Variants in PHC2 observed in about 807,000 individuals in gnomAD.
PHC2 encodes the protein polyhomeotic homolog 2, also known as polyhomeotic-like protein 2.
In PHC2, 29 loss-of-function variants were observed where a neutral mutation model predicts 87.4. The observed-to-expected ratio is 0.33, with a 90% CI of 0.25 to 0.45. PHC2 has a LOEUF of 0.45. PHC2 is among the 20% of genes least tolerant of loss of function. The pLI is 1.00. For synonymous variants in PHC2, 438 were observed against 461.7 expected (o/e 0.95, Z 0.66); for missense variants, 857 against 1,136.7 (o/e 0.75, Z 3.54).
chr1:33,376,825 A>G (rs1648209905), intron 1 of PHC2, among the ~76,000 whole-genome samples: 1 of 152,174 alleles, frequency 6.6e-6, no homozygotes, highest in South Asian at 2.1e-4. Context: ...GCTACCTGGG[A>G]GGCTGAGGCA....
chr1:33,354,757 G>A (rs1258062690), intron 8 of PHC2, 81 bp downstream of exon 8: 1 of 1,485,112 alleles, frequency 6.7e-7, no homozygotes, highest in African/African-American at 1.4e-5. Flanking sequence ...CTACCCAGAA[G>A]CACCTCTTGA....
chr1:33,413,485 G>C (rs1232666302), intron 1 of PHC2, among the ~76,000 whole-genome samples: 1 of 152,178 alleles, frequency 6.6e-6, no homozygotes, highest in Non-Finnish European at 1.5e-5. Flanking sequence ...TGAAATAAAG[G>C]AGACCGCAGG....
At chr1:33,342,311 G>A (rs920439289) in intron 9 of PHC2, among the ~76,000 whole-genome samples, 6 of 152,234 alleles carry the variant, frequency 3.9e-5, no homozygotes, top group Admixed American at 2.6e-4. Flanking sequence ...GCATCTGGCA[G>A]GGAGGGGGCT....
chr1:33,359,689 T>C (rs1570482662), intron 7 of PHC2, among the ~76,000 whole-genome samples: 1 of 152,306 alleles, frequency 6.6e-6, no homozygotes, highest in Middle Eastern at 3.4e-3. Context: ...GCACAGAATA[T>C]TGAGAACACG....
intron 9 of PHC2, among the ~76,000 whole-genome samples, chr1:33,339,064 G>A (rs1478173792): frequency 6.6e-6 from 1 of 152,138 alleles, no homozygotes; most frequent in Non-Finnish European, 1.5e-5. Context: ...ACAGGGGTGG[G>A]AGAAAACAGG....
chr1:33,370,135 G>C (rs1647730406), intron 5 of PHC2, among the ~76,000 whole-genome samples: 2 of 152,220 alleles, frequency 1.3e-5, no homozygotes, highest in South Asian at 4.2e-4. Flanking sequence ...TTAATTTTGA[G>C]GAGTTTCTGA....
chr1:33,363,526 C>T (rs546830993), intron 7 of PHC2, among the ~76,000 whole-genome samples: 1 of 152,194 alleles, frequency 6.6e-6, no homozygotes, highest in African/African-American at 2.4e-5. Flanking sequence ...GCCCCCTGCA[C>T]AAAACGCTCT....
At chr1:33,355,653 C>A (rs1647057460) in intron 7 of PHC2, among the ~76,000 whole-genome samples, 1 of 152,250 alleles carries the variant, frequency 6.6e-6, no homozygotes, top group Non-Finnish European at 1.5e-5. Context: ...ACAGCTACAA[C>A]CTTTCCACCA....
intron 1 of PHC2, among the ~76,000 whole-genome samples, chr1:33,405,944 T>G (rs1649744306): frequency 6.6e-6 from 1 of 152,238 alleles, no homozygotes; most frequent in African/African-American, 2.4e-5. Context: ...CTTCCATGTA[T>G]GCTTGAAAAT....
At position 33,346,268 on chromosome 1, in the gene PHC2, C is replaced by T. The variant is rs1646843260; in HGVS notation, c.1558+8133G>A. 4.1e-6 allele frequency: 4 copies of T among 985,292 alleles called. No homozygotes were observed. The South Asian group carries it at 1.9e-4, about 46-fold the overall frequency. 61.0% of individuals were successfully genotyped at this position (985,292 alleles called of 1,614,324 possible). ...GGTGGGCAGGCTCAGAGGGGCACCT[C>T]ACTCCAGGACAGTCTCCTGAGGGGT... On this transcript the variant is annotated intron_variant, in intron 9 of 14. Coordinates refer to ENST00000683057, the MANE Select transcript of PHC2 (RefSeq NM_001385109.1).
chr1:33,430,818 AT>A (rs1420403230), intron 1 of PHC2, among the ~76,000 whole-genome samples, 157 bp downstream of exon 1: 1 of 150,070 alleles, frequency 6.7e-6, no homozygotes. Context: ...GCCCATGGCA[AT>A]GCCCCGCCCC....
intron 1 of PHC2, among the ~76,000 whole-genome samples, chr1:33,428,778 T>C (rs1157161021): frequency 6.6e-6 from 1 of 152,086 alleles, no homozygotes; most frequent in African/African-American, 2.4e-5. Context: ...GAGAAGAGGA[T>C]AATAGTAAGG....
chr1:33,428,847 C>G (rs1402085152), intron 1 of PHC2, among the ~76,000 whole-genome samples: 1 of 152,344 alleles, frequency 6.6e-6, no homozygotes, highest in East Asian at 1.9e-4. Context: ...CTGGCCCAGT[C>G]TGGCAGATCC....
intron 7 of PHC2, among the ~76,000 whole-genome samples, chr1:33,366,897 C>G (rs1467813343): frequency 2.0e-5 from 3 of 152,220 alleles, no homozygotes; most frequent in Non-Finnish European, 4.4e-5. Context: ...CAGAAGGACT[C>G]CTTTATTCCA....
At chr1:33,361,176 A>G (rs1647186371) in intron 7 of PHC2, among the ~76,000 whole-genome samples, 1 of 152,198 alleles carries the variant, frequency 6.6e-6, no homozygotes, top group African/African-American at 2.4e-5. Context: ...CGTCTGCATG[A>G]GGACACCACG....
chr1:33,335,342 C>T (rs1646606062), intron 9 of PHC2: 3 of 985,260 alleles, frequency 3.0e-6, no homozygotes, highest in East Asian at 1.1e-4. Flanking sequence ...GCTGAGGCTG[C>T]CTTTAACCTG....
At chr1:33,427,748 G>C (rs1465748878) in intron 1 of PHC2, among the ~76,000 whole-genome samples, 1 of 152,182 alleles carries the variant, frequency 6.6e-6, no homozygotes, top group African/African-American at 2.4e-5. Context: ...CACTCTCATG[G>C]TTAATAGCGT....
Position 33,367,333 on chromosome 1 carries a change from T to C in PHC2, c.759A>G (p.Lys253=). The change falls in exon 7 of 15, where the codon AAA becomes AAG. Residue 253 remains lysine, a synonymous_variant. Coordinates refer to ENST00000683057, the MANE Select transcript of PHC2 (RefSeq NM_001385109.1). The stretch of plus-strand genomic sequence containing the variant: ...GAGGCTGGCTACCGCCCGGCGTGGG[T>C]TTCAGGGCCAAGCTGGGCAGGACAG... ...TQPVLPSLAL[K]PTPGGSQPLP... The C allele has an allele frequency of 1.2e-6, 2 of 1,613,354 alleles. No individual in the cohort carries two copies. The highest frequency in any genetic ancestry group is 2.7e-5 in the African/African-American group (2 of 75,012).
rs115473469 is a variant in PHC2, at chr1:33,369,101, C to A, written c.577-479G>T. Among the ~76,000 whole-genome samples, 720 of 152,292 alleles carry A rather than the reference C, an allele frequency of 4.7e-3. 3 individuals are homozygous for A. The highest frequency in any genetic ancestry group is 0.017 in the Middle Eastern group (5 of 294). ...AAGATGAGACTGCCCTCCAGGGGAT[C>A]AAGTTCGATGTATCCTTTTGGTCAT... is the stretch of plus-strand genomic sequence containing the variant. On this transcript the variant is annotated intron_variant, in intron 5 of 14. Coordinates refer to ENST00000683057, the MANE Select transcript of PHC2 (RefSeq NM_001385109.1). The surrounding 1 kb of genome is among the most constrained non-coding windows in gnomAD (Gnocchi z 4.7).
Sources: allele counts gnomAD v4.1 joint callset (sites outside exome capture counted in the v4.1 genomes callset), GRCh38; gene constraint gnomAD v4.1.1; non-coding constraint Gnocchi (gnomAD v3.1); transcripts MANE v1.5; gene names NCBI Gene and HGNC (gene_info 2026-07-23, HGNC 2026-07-21).